The following FHIT variants were observed in gnomAD, a reference collection of about 807,000 sequenced individuals.
FHIT encodes the protein bis(5'-adenosyl)-triphosphatase.
In FHIT, 19 loss-of-function variants were observed where a neutral mutation model predicts 17.9. The ratio of observed to expected loss-of-function variants is 1.06; its 90% CI spans 0.74 to 1.56. The LOEUF (loss-of-function observed/expected upper bound fraction) is 1.56, where lower values mean the gene tolerates loss of function less well. Among genes scored for constraint, FHIT ranks in the 40% most tolerant of loss-of-function variants. The pLI is 0.00. For synonymous variants in FHIT, 81 were observed against 69.7 expected (o/e 1.16, Z -0.81); for missense variants, 248 against 189.2 (o/e 1.31, Z -1.82).
chr3:60,042,785 T>C (rs1044329601), intron 5 of FHIT, among the ~76,000 whole-genome samples: 1 of 152,166 alleles, frequency 6.6e-6, no homozygotes, highest in African/African-American at 2.4e-5. Context: ...AAAAAAAAGA[T>C]ATTAATGTTC....
chr3:60,551,757 A>G (rs1197442002), intron 4 of FHIT, among the ~76,000 whole-genome samples: 2 of 150,290 alleles, frequency 1.3e-5, no homozygotes, highest in Non-Finnish European at 3.0e-5. Flanking sequence ...GATCCTGTCT[A>G]TAAAAATAAA....
At chr3:60,681,638 A>G (rs1340770231) in intron 4 of FHIT, among the ~76,000 whole-genome samples, 1 of 152,230 alleles carries the variant, frequency 6.6e-6, no homozygotes, top group African/African-American at 2.4e-5. Flanking sequence ...TCCAATGAAC[A>G]TACAAATGAT....
intron 5 of FHIT, among the ~76,000 whole-genome samples, chr3:60,098,888 G>C (rs189648162): frequency 6.6e-6 from 1 of 152,172 alleles, no homozygotes; most frequent in Non-Finnish European, 1.5e-5. Context: ...CTGCCTGGGA[G>C]TCAGCACCCC....
At chr3:60,838,566 C>A (rs1702613729) in intron 3 of FHIT, among the ~76,000 whole-genome samples, 1 of 151,978 alleles carries the variant, frequency 6.6e-6, no homozygotes, top group South Asian at 2.1e-4. Flanking sequence ...CCCCTTTATT[C>A]CTGAGGATAT....
intron 4 of FHIT, among the ~76,000 whole-genome samples, chr3:60,558,668 T>C (rs1372587307): frequency 6.6e-6 from 1 of 152,162 alleles, no homozygotes; most frequent in East Asian, 1.9e-4. Flanking sequence ...GGGTCTTCTA[T>C]ACCAGGAAGG....
chr3:60,370,903 T>C (rs1170221529), intron 5 of FHIT, among the ~76,000 whole-genome samples: 2 of 152,220 alleles, frequency 1.3e-5, no homozygotes, highest in African/African-American at 4.8e-5. Context: ...AGAAAAAAGT[T>C]CACATTGCTT....
intron 8 of FHIT, among the ~76,000 whole-genome samples, chr3:59,779,396 G>T (rs1559598344): frequency 6.6e-6 from 1 of 152,106 alleles, no homozygotes; most frequent in Non-Finnish European, 1.5e-5. Context: ...TTGTCCATGG[G>T]TTGCCTTTGT....
intron 5 of FHIT, among the ~76,000 whole-genome samples, chr3:60,112,800 A>G (rs1333447671): frequency 3.9e-5 from 6 of 152,216 alleles, no homozygotes; most frequent in Admixed American, 3.3e-4. Context: ...GCAAGCAGCA[A>G]TCAAGGCTGC....
At chr3:59,971,758 C>T (rs1050665122) in intron 7 of FHIT, among the ~76,000 whole-genome samples, 3 of 152,118 alleles carry the variant, frequency 2.0e-5, no homozygotes, top group Non-Finnish European at 2.9e-5. Context: ...TGACCTTGGG[C>T]AAGATACGTC....
chr3:60,878,539 G>A (rs4974246), intron 3 of FHIT, among the ~76,000 whole-genome samples: 69,682 of 151,134 alleles, frequency 0.46, 18,888 homozygotes, highest in East Asian at 0.91. Flanking sequence ...TGTGCACAAT[G>A]TGCAGGTTTA....
chr3:61,076,432 T>C (rs2034973362), intron 2 of FHIT, among the ~76,000 whole-genome samples: 1 of 152,158 alleles, frequency 6.6e-6, no homozygotes, highest in Non-Finnish European at 1.5e-5. Flanking sequence ...GTGAGATCCA[T>C]CCATGACATG....
intron 5 of FHIT, among the ~76,000 whole-genome samples, chr3:60,519,517 C>T (rs2035280546): frequency 6.6e-6 from 1 of 152,080 alleles, no homozygotes; most frequent in Admixed American, 6.5e-5. Context: ...GAAGCCTTAC[C>T]AATAAACACT....
chr3:61,160,201 G>A (rs551532475), intron 2 of FHIT, among the ~76,000 whole-genome samples: 5 of 114,178 alleles, frequency 4.4e-5, no homozygotes, highest in Admixed American at 1.2e-4. Flanking sequence ...TTAGCCCCAA[G>A]AATCAGATTT....
intron 5 of FHIT, among the ~76,000 whole-genome samples, chr3:60,349,577 G>A (rs1710977341): frequency 1.3e-5 from 2 of 152,052 alleles, no homozygotes; most frequent in African/African-American, 4.8e-5. Context: ...TTCATTGTAA[G>A]TCTAAGTTTT....
At chr3:60,026,263 A>G (rs1256698707) in intron 5 of FHIT, among the ~76,000 whole-genome samples, 2 of 152,014 alleles carry the variant, frequency 1.3e-5, no homozygotes, top group Non-Finnish European at 2.9e-5. Flanking sequence ...TGTTTTTTCA[A>G]AATAATAGCA....
intron 4 of FHIT, among the ~76,000 whole-genome samples, chr3:60,818,689 G>C (rs1553738376): frequency 6.6e-6 from 1 of 151,956 alleles, no homozygotes; most frequent in African/African-American, 2.4e-5. Context: ...TAAATTCAAG[G>C]GTCAACCAGA....
At chr3:60,610,490 C>T (rs1468183807) in intron 4 of FHIT, among the ~76,000 whole-genome samples, 1 of 152,138 alleles carries the variant, frequency 6.6e-6, no homozygotes, top group Admixed American at 6.5e-5. Context: ...ATTAATAAAA[C>T]TCTAAGTGTT....
chr3:60,068,222 G>A (rs946821327), intron 5 of FHIT, among the ~76,000 whole-genome samples: 11 of 152,116 alleles, frequency 7.2e-5, no homozygotes, highest in African/African-American at 1.7e-4. Context: ...GCAACAGAGC[G>A]AGACTCTGCC....
At chr3:60,570,352 TA>T (rs956492491) in intron 4 of FHIT, among the ~76,000 whole-genome samples, 17 of 152,176 alleles carry the variant, frequency 1.1e-4, no homozygotes, top group African/African-American at 4.1e-4. Flanking sequence ...TAATCGGGAC[TA>T]AAATAGCAAT....
Sources: allele counts gnomAD v4.1 joint callset (sites outside exome capture counted in the v4.1 genomes callset), GRCh38; gene constraint gnomAD v4.1.1; transcripts MANE v1.5; gene names NCBI Gene and HGNC (gene_info 2026-07-23, HGNC 2026-07-21).